The following SNTG1 variants were observed in gnomAD, a reference collection of about 807,000 sequenced individuals.
SNTG1 encodes the protein gamma-1-syntrophin.
SNTG1 carries 39 observed loss-of-function variants against 74.7 expected under a neutral mutation model. The ratio of observed to expected loss-of-function variants is 0.52; its 90% confidence interval spans 0.40 to 0.68. The LOEUF (loss-of-function observed/expected upper bound fraction) is 0.68, where lower values mean the gene tolerates loss of function less well. Ranked by LOEUF, SNTG1 falls within the 30% of genes least tolerant of loss-of-function variation. SNTG1 has a pLI of 0.00. For missense variants in SNTG1, 685 were observed against 609.5 expected (o/e 1.12, Z -1.30); for synonymous variants, 254 against 217.1 (o/e 1.17, Z -1.49).
chr8:50,214,917 C>T (rs16914508), intron 2 of SNTG1, among the ~76,000 whole-genome samples: 2,324 of 152,304 alleles, frequency 0.015, 58 homozygotes, highest in African/African-American at 0.053. Context: ...TCTCGCAACT[C>T]AGCTACCTGG....
intron 8 of SNTG1, among the ~76,000 whole-genome samples, chr8:50,478,840 G>A (rs912980053): frequency 1.3e-5 from 2 of 151,900 alleles, no homozygotes; most frequent in Admixed American, 1.3e-4. Flanking sequence ...TAATTTTGTT[G>A]AATAAAATAT....
At chr8:50,251,728 C>A (rs951533552) in intron 2 of SNTG1, among the ~76,000 whole-genome samples, 3 of 151,746 alleles carry the variant, frequency 2.0e-5, no homozygotes, top group African/African-American at 7.3e-5. Flanking sequence ...ATTACTAGAC[C>A]TAAAAGGAGA....
chr8:50,376,312 T>C (rs967429151), intron 2 of SNTG1, among the ~76,000 whole-genome samples: 3 of 152,182 alleles, frequency 2.0e-5, no homozygotes, highest in African/African-American at 7.2e-5. Context: ...ACTCTTGCTA[T>C]TCAGATTTGA....
chr8:50,087,829 G>A (rs1471319868), intron 1 of SNTG1, among the ~76,000 whole-genome samples: 1 of 150,892 alleles, frequency 6.6e-6, no homozygotes. Flanking sequence ...TGTGCACATT[G>A]TGCAGGTTAG....
chr8:50,319,328 C>A lies in SNTG1; in HGVS notation c.-27-74884C>A, dbSNP rs561846397. Among the ~76,000 whole-genome samples the A allele has an allele frequency of 3.3e-5, 5 of 152,070 alleles. No homozygotes were observed. In the South Asian group the frequency reaches 1.0e-3, roughly 32 times the overall value. ...TCAGTGAGCTGAGATCATGCTACTG[C>A]ACTCCAGCCTGGGGGACAAAGCAAG... On this transcript the variant is annotated intron_variant, in intron 2 of 18. Coordinates refer to ENST00000642720, the MANE Select transcript of SNTG1 (RefSeq NM_018967.5).
At chr8:50,607,198 T>C (rs1281344350) in intron 13 of SNTG1, among the ~76,000 whole-genome samples, 2 of 151,872 alleles carry the variant, frequency 1.3e-5, no homozygotes, top group African/African-American at 4.8e-5. Flanking sequence ...ATGTATATGA[T>C]CTGGTATCAG....
intron 2 of SNTG1, among the ~76,000 whole-genome samples, chr8:50,210,940 C>G (rs936772874): frequency 2.6e-5 from 4 of 152,084 alleles, no homozygotes; most frequent in African/African-American, 9.7e-5. Context: ...AGTCATGTAT[C>G]TTTCTAGATA....
intron 12 of SNTG1, 27 bp from the exon 13 acceptor site, chr8:50,590,852 A>G (rs761617089): frequency 1.0e-5 from 15 of 1,462,316 alleles, no homozygotes; most frequent in Non-Finnish European, 1.3e-5. Flanking sequence ...TGTTCTTCTC[A>G]CTTTTATTAT....
chr8:50,572,959 T>A (rs2094557348), intron 12 of SNTG1, among the ~76,000 whole-genome samples: 2 of 152,136 alleles, frequency 1.3e-5, no homozygotes, highest in African/African-American at 4.8e-5. Flanking sequence ...ATATACCCTG[T>A]TAAACAGCAT....
chr8:50,232,285 T>A (rs531107189), intron 2 of SNTG1, among the ~76,000 whole-genome samples: 1 of 151,550 alleles, frequency 6.6e-6, no homozygotes, highest in Admixed American at 6.6e-5. Context: ...GCAAGCAGGC[T>A]GTTTCAACAT....
At chr8:50,108,632 T>G (rs755535165) in intron 1 of SNTG1, among the ~76,000 whole-genome samples, 1 of 152,210 alleles carries the variant, frequency 6.6e-6, no homozygotes, top group African/African-American at 2.4e-5. Context: ...AATGATTTAG[T>G]ATCTTCTTTC....
At chr8:50,207,383 A>G (rs1004299948) in intron 2 of SNTG1, among the ~76,000 whole-genome samples, 1 of 151,928 alleles carries the variant, frequency 6.6e-6, no homozygotes, top group Non-Finnish European at 1.5e-5. Context: ...TCTGATGTAG[A>G]TTGTATTTCT....
At chr8:50,051,534 T>C (rs1015160695) in intron 1 of SNTG1, among the ~76,000 whole-genome samples, 1 of 152,242 alleles carries the variant, frequency 6.6e-6, no homozygotes, top group Non-Finnish European at 1.5e-5. Flanking sequence ...CAAAATTTAT[T>C]GTCTCACAGT....
At chr8:49,936,905 T>C (rs773449880) in intron 1 of SNTG1, among the ~76,000 whole-genome samples, 25 of 152,192 alleles carry the variant, frequency 1.6e-4, no homozygotes, top group Non-Finnish European at 2.6e-4. Flanking sequence ...TCCCAGCACT[T>C]TGGGAGGCCG....
intron 1 of SNTG1, among the ~76,000 whole-genome samples, chr8:50,088,145 C>T (rs149996): frequency 0.91 from 136,414 of 150,220 alleles, 62,191 homozygotes; most frequent in East Asian, 1. Flanking sequence ...TATTCCATGG[C>T]GTATATGTGC....
intron 1 of SNTG1, among the ~76,000 whole-genome samples, chr8:50,078,758 T>C (rs1822131117): frequency 6.6e-6 from 1 of 152,164 alleles, no homozygotes; most frequent in African/African-American, 2.4e-5. Context: ...TTCCCTTCCC[T>C]GTGTCCATGT....
chr8:50,104,675 T>C (rs1442694843), intron 1 of SNTG1, among the ~76,000 whole-genome samples: 2 of 152,222 alleles, frequency 1.3e-5, no homozygotes, highest in Non-Finnish European at 2.9e-5. Context: ...TTTTGGATCT[T>C]TCCTGCTTTC....
intron 1 of SNTG1, among the ~76,000 whole-genome samples, chr8:50,020,606 A>G (rs536217501): frequency 1.5e-4 from 23 of 152,172 alleles, no homozygotes; most frequent in African/African-American, 5.3e-4. Context: ...CATGGATTTT[A>G]TTGTTGTTTG....
intron 1 of SNTG1, among the ~76,000 whole-genome samples, chr8:49,995,375 G>A (rs528051511): frequency 6.6e-6 from 1 of 152,298 alleles, no homozygotes; most frequent in African/African-American, 2.4e-5. Flanking sequence ...GTGGCCAGAA[G>A]GTTATGTTTG....
Sources: allele counts gnomAD v4.1 joint callset (sites outside exome capture counted in the v4.1 genomes callset), GRCh38; gene constraint gnomAD v4.1.1; transcripts MANE v1.5; gene names NCBI Gene and HGNC (gene_info 2026-07-23, HGNC 2026-07-21).